VIL1: variants seen among roughly 807,000 people sequenced by gnomAD.
The protein encoded by VIL1 is villin-1.
Under a neutral mutation model 104.0 loss-of-function variants are expected in VIL1, and 86 were observed. The observed-to-expected ratio is 0.83, with a 90% CI of 0.69 to 0.99. The LOEUF is 0.99. Among genes scored for constraint, VIL1 ranks in the 50% least tolerant of loss-of-function variants. VIL1 has a pLI of 0.00. For synonymous variants in VIL1, 394 were observed against 412.6 expected (o/e 0.95, Z 0.55); for missense variants, 944 against 1,054.1 (o/e 0.90, Z 1.45).
chr2:218,431,679 G>C (rs1689100847), intron 10 of VIL1, among the ~76,000 whole-genome samples, 178 bp from the exon 11 acceptor site: 1 of 152,080 alleles, frequency 6.6e-6, no homozygotes, highest in Admixed American at 6.6e-5. Context: ...AGGGAGATGT[G>C]GTTCTCTATT....
chr2:218,432,979 C>T (rs1375097245), intron 13 of VIL1, 28 bp downstream of exon 13: 2 of 1,613,042 alleles, frequency 1.2e-6, no homozygotes, highest in East Asian at 4.5e-5. Flanking sequence ...AGGTGTCTGG[C>T]AGTAACCACT....
rs750711637 is a variant in VIL1, at chr2:218,433,019, A to G, written c.1500+68A>G. The G allele has an allele frequency of 7.5e-6, 12 of 1,593,208 alleles. No individual in the cohort carries two copies. In the Admixed American group the frequency reaches 1.5e-4, roughly 20 times the overall value. On this transcript the variant is annotated intron_variant, in intron 13 of 19. Coordinates refer to ENST00000248444, the MANE Select transcript of VIL1 (RefSeq NM_007127.3). Reference sequence around the variant, plus strand: ...CAAGACAGGCATCCGGGAGATGGAGAAGGGGATGGGTGGTGGGAGCAGGGC... The same window carrying G: ...CAAGACAGGCATCCGGGAGATGGAGGAGGGGATGGGTGGTGGGAGCAGGGC...
At position 218,444,769 on chromosome 2, in the gene VIL1, G is replaced by C. The variant is rs1284921356; in HGVS notation, c.2370+3907G>C. 1.3e-5 allele frequency among the ~76,000 whole-genome samples: 2 copies of C among 152,194 alleles called. 1 individual carries two copies. The highest frequency in any genetic ancestry group is 2.9e-5 in the Non-Finnish European group (2 of 68,038). On this transcript the variant is annotated intron_variant, in intron 19 of 19. Transcript: ENST00000248444. Reference sequence around the variant, plus strand: ...GAGCAAGATAGTAATCTAAGTATTTGTGCACTGATGAGTAAACAACAGGGA... The same window carrying C: ...GAGCAAGATAGTAATCTAAGTATTTCTGCACTGATGAGTAAACAACAGGGA...
chr2:218,440,885 G>T, intron 19 of VIL1, 23 bp downstream of exon 19: 1 of 1,613,082 alleles, frequency 6.2e-7, no homozygotes, highest in Non-Finnish European at 8.5e-7. Flanking sequence ...CTCAAAGGAA[G>T]ACAAAGAAGT....
At chr2:218,446,056 C>G (rs1012971989) in intron 19 of VIL1, among the ~76,000 whole-genome samples, 2 of 152,090 alleles carry the variant, frequency 1.3e-5, no homozygotes. Flanking sequence ...AAAAGCTAGG[C>G]AAAATTTAGT....
In VIL1 at chr2:218,431,870, G is replaced by A; in HGVS notation, c.1116G>A (p.Gln372=). Residue 372 remains glutamine, a synonymous_variant, in exon 11 of 20, where the codon CAG becomes CAA. Transcript: ENST00000248444. The stretch of plus-strand genomic sequence containing the variant: ...CCCCCACTCTAGCCAAAGTGGAACA[G>A]GTGAAGTTCGATGCCACATCCATGC... ...HTVGSVAKVE[Q]VKFDATSMHV... The A allele has an allele frequency of 3.7e-6, 6 of 1,613,682 alleles. No homozygotes were observed. The highest frequency in any genetic ancestry group is 1.7e-6 in the Non-Finnish European group (2 of 1,179,884).
chr2:218,446,692 CA>C (rs1689367658), intron 19 of VIL1, among the ~76,000 whole-genome samples: 1 of 149,488 alleles, frequency 6.7e-6, no homozygotes, highest in Non-Finnish European at 1.5e-5. Flanking sequence ...ACCTGAAACT[CA>C]AGGAATACTC....
intron 19 of VIL1, among the ~76,000 whole-genome samples, chr2:218,448,592 A>G (rs1287066646): frequency 6.6e-6 from 1 of 151,964 alleles, no homozygotes; most frequent in Non-Finnish European, 1.5e-5. Context: ...CCCATTTAAT[A>G]GAGAGGAAAC....
At chr2:218,436,354 C>A in intron 15 of VIL1, 128 bp from the exon 16 acceptor site, 1 of 1,264,026 alleles carries the variant, frequency 7.9e-7, no homozygotes, top group Non-Finnish European at 1.1e-6. Flanking sequence ...TTTTATCAAT[C>A]AGAAGATAGA....
In VIL1 at chr2:218,425,740, G is replaced by A. The variant is rs751058189; in HGVS notation, c.276G>A (p.Arg92=). The A allele has an allele frequency of 5.5e-5, 88 of 1,614,102 alleles. No homozygotes were observed. Among genetic ancestry groups the A allele is most frequent in the Non-Finnish European group, 6.9e-5 (81 of 1,180,032 alleles). ...AGATGGATGACTTCCTGAAGGGCCG[G>A]GCTGTGCAGCACCGCGAGGTCCAGG... ...TTQMDDFLKG[R]AVQHREVQGN... Residue 92 remains arginine (R), a synonymous_variant, in exon 4 of 20, where the codon CGG becomes CGA. Transcript: ENST00000248444.
chr2:218,424,149 C>A, intron 2 of VIL1, 128 bp from the exon 3 acceptor site: 2 of 795,964 alleles, frequency 2.5e-6, no homozygotes, highest in Non-Finnish European at 4.1e-6. Context: ...CTCCTCTCTT[C>A]CTTTTCTCTC....
intron 3 of VIL1, 24 bp downstream of exon 3, chr2:218,424,375 G>A: frequency 6.2e-7 from 1 of 1,611,356 alleles, no homozygotes; most frequent in Non-Finnish European, 8.5e-7. Flanking sequence ...AGGGGAGGGG[G>A]CTGAGCAGAG....
At position 218,451,811 on chromosome 2, in the gene VIL1, G is replaced by T. The variant is rs1365951290; in HGVS notation, c.*2475G>T. On this transcript the variant is annotated 3_prime_UTR_variant, in exon 20 of 20. Coordinates refer to ENST00000248444, the MANE Select transcript of VIL1 (RefSeq NM_007127.3). ...TTAAAATGTAAACATATTTACATTTGTTGTATTTGTTATTGAGCCTTTAAG... is the reference window on the plus strand; with the variant it reads ...TTAAAATGTAAACATATTTACATTTTTTGTATTTGTTATTGAGCCTTTAAG... 2.0e-5 allele frequency: 3 copies of T among 152,576 alleles called. No individual in the cohort carries two copies. Among genetic ancestry groups the T allele is most frequent in the Non-Finnish European group, 4.4e-5 (3 of 68,024 alleles). 9.5% of individuals were successfully genotyped at this position (152,576 alleles called of 1,614,324 possible). A position where few individuals can be genotyped will look rare whatever the true frequency, so the allele number is the denominator to read the frequency against.
Position 218,448,426 on chromosome 2 carries a change from A to T in VIL1, c.2371-797A>T, listed in dbSNP as rs145020813. On this transcript the variant is annotated intron_variant, in intron 19 of 19. Transcript: ENST00000248444. ...CTAAAAATACAAAAATTAGCTGGGC[A>T]TGGTGCCAGGTGCCTGTAGTCCTAG... Among the ~76,000 whole-genome samples the T allele has an allele frequency of 1.8e-3, 273 of 151,530 alleles. 2 individuals are homozygous for T. The highest frequency in any genetic ancestry group is 3.1e-3 in the Non-Finnish European group (209 of 67,842).
At chr2:218,420,038 C>T (rs1314396607) in intron 1 of VIL1, among the ~76,000 whole-genome samples, 1 of 152,188 alleles carries the variant, frequency 6.6e-6, no homozygotes, top group East Asian at 1.9e-4. Context: ...CCACCACATT[C>T]CTGTCCAGCT....
intron 18 of VIL1, among the ~76,000 whole-genome samples, chr2:218,439,131 A>G (rs551380996): frequency 1.2e-4 from 18 of 151,826 alleles, no homozygotes; most frequent in African/African-American, 3.4e-4. Flanking sequence ...AGGTTTCACC[A>G]TGTTGGCCAG....
chr2:218,446,790 G>A (rs1403228968), intron 19 of VIL1, among the ~76,000 whole-genome samples: 1 of 127,006 alleles, frequency 7.9e-6, no homozygotes, highest in Non-Finnish European at 1.5e-5. Flanking sequence ...TTGAGACAGA[G>A]TCCCGCTCTG....
At chr2:218,432,254 G>T in intron 12 of VIL1, 71 bp downstream of exon 12, 1 of 1,564,226 alleles carries the variant, frequency 6.4e-7, no homozygotes. Context: ...CCTGCTAAGT[G>T]GCCATCACCC....
In VIL1 at chr2:218,423,272, G is replaced by A. The variant is rs554885197; in HGVS notation, c.-11-496G>A. Among the ~76,000 whole-genome samples, 28 of 152,314 alleles carry A rather than the reference G, an allele frequency of 1.8e-4. No individual in the cohort carries two copies. In the South Asian group the frequency reaches 5.6e-3, roughly 30 times the overall value. ...TAGCCAGGCGTGGTGGCTCACGCCT[G>A]TAATCCCAGCTATGCGGGAGGTTGA... On this transcript the variant is annotated intron_variant, in intron 1 of 19. Coordinates refer to ENST00000248444, the MANE Select transcript of VIL1 (RefSeq NM_007127.3).
Sources: allele counts gnomAD v4.1 joint callset (sites outside exome capture counted in the v4.1 genomes callset), GRCh38; gene constraint gnomAD v4.1.1; transcripts MANE v1.5; gene names NCBI Gene and HGNC (gene_info 2026-07-23, HGNC 2026-07-21).